Variants in IFTAP observed in about 807,000 individuals in gnomAD.
The protein encoded by IFTAP is intraflagellar transport-associated protein.
Under a neutral mutation model 19.4 loss-of-function variants are expected in IFTAP, and 19 were observed. That is an observed-to-expected ratio of 0.98 (90% CI 0.68 to 1.44). IFTAP has a LOEUF of 1.44. Ranked by LOEUF, IFTAP falls within the 40% of genes most tolerant of loss-of-function variation. The pLI, the probability that IFTAP is intolerant of heterozygous loss-of-function variation, is 0.00. For synonymous variants in IFTAP, 85 were observed against 83.5 expected, an observed-to-expected ratio of 1.02 and a Z score of -0.10; for missense variants, 240 against 253.6, an observed-to-expected ratio of 0.95 and a Z score of 0.36.
At chr11:36,610,571 T>A (rs1315138955) in intron 2 of IFTAP, among the ~76,000 whole-genome samples, 1 of 152,226 alleles carries the variant, frequency 6.6e-6, no homozygotes, top group Non-Finnish European at 1.5e-5. Context: ...CTTTAAAAAA[T>A]TTCAAAGAGA....
At chr11:36,595,772 T>A (rs1851198640) in intron 1 of IFTAP, among the ~76,000 whole-genome samples, 1 of 152,272 alleles carries the variant, frequency 6.6e-6, no homozygotes, top group Non-Finnish European at 1.5e-5. Flanking sequence ...ATGATTATTT[T>A]AAAATTTACC....
chr11:36,632,049 A>G (rs1263877294), intron 2 of IFTAP, among the ~76,000 whole-genome samples: 1 of 151,158 alleles, frequency 6.6e-6, no homozygotes, highest in Non-Finnish European at 1.5e-5. Flanking sequence ...GATAGGTTCT[A>G]GAGTCAGAAG....
At chr11:36,645,202 C>A (rs1341925992) in intron 4 of IFTAP, among the ~76,000 whole-genome samples, 2 of 152,080 alleles carry the variant, frequency 1.3e-5, no homozygotes, top group Non-Finnish European at 1.5e-5. Context: ...GTAGATTGCT[C>A]ACTTTGTACC....
intron 1 of IFTAP, among the ~76,000 whole-genome samples, chr11:36,607,018 A>G (rs1191826324): frequency 1.3e-5 from 2 of 152,212 alleles, no homozygotes; most frequent in South Asian, 4.1e-4. Context: ...TAATTTTTTC[A>G]GGTACAAATA....
chr11:36,644,527 C>G (rs1433603934), intron 4 of IFTAP, among the ~76,000 whole-genome samples: 1 of 152,112 alleles, frequency 6.6e-6, no homozygotes, highest in Non-Finnish European at 1.5e-5. Flanking sequence ...ATAAATCGTG[C>G]TGCTATAAAG....
At chr11:36,595,450 C>A (rs2133322960) in intron 1 of IFTAP, among the ~76,000 whole-genome samples, 1 of 152,222 alleles carries the variant, frequency 6.6e-6, no homozygotes, top group South Asian at 2.1e-4. Context: ...TCCTGTGCAC[C>A]AAATGTTAAA....
At position 36,639,300 on chromosome 11, in the gene IFTAP, A is replaced by G. The variant is rs1017215145; in HGVS notation, c.358+3183A>G. 4.0e-5 allele frequency among the ~76,000 whole-genome samples: 6 copies of G among 151,050 alleles called. No individual in the cohort carries two copies. In the South Asian group the frequency reaches 8.4e-4, roughly 21 times the overall value. On this transcript the variant is annotated intron_variant, in intron 4 of 5. Transcript: ENST00000334307. ...TTCTGAGATTCATACTGTCTTACAC[A>G]CATCTCTTGGTCAGCGGGTGTACTT...
At chr11:36,602,490 G>A (rs1851544311) in intron 1 of IFTAP, among the ~76,000 whole-genome samples, 1 of 152,078 alleles carries the variant, frequency 6.6e-6, no homozygotes, top group Non-Finnish European at 1.5e-5. Context: ...TTATATGAGG[G>A]TGGGATTAGG....
chr11:36,613,323 G>T (rs1246566306), intron 2 of IFTAP, among the ~76,000 whole-genome samples: 1 of 151,912 alleles, frequency 6.6e-6, no homozygotes, highest in Middle Eastern at 3.4e-3. Flanking sequence ...CTTTCTTCTT[G>T]CCTGTCATAT....
At chr11:36,656,622 C>T (rs1047337154) in intron 5 of IFTAP, among the ~76,000 whole-genome samples, 1 of 152,034 alleles carries the variant, frequency 6.6e-6, no homozygotes, top group Non-Finnish European at 1.5e-5. Flanking sequence ...CTCTATGCTT[C>T]TGTTTCCCTT....
rs180921436 is a variant in IFTAP at position 36,652,123 on chromosome 11, A to G, written c.498+3968A>G. Among the ~76,000 whole-genome samples, 739 of 152,286 alleles carry G rather than the reference A, an allele frequency of 4.9e-3. 3 individuals carry two copies. The highest frequency in any genetic ancestry group is 0.01 in the Middle Eastern group (3 of 294). On this transcript the variant is annotated intron_variant, in intron 5 of 5. Transcript: ENST00000334307. ...GGTAGCTTGATGGGGATGGCATTGAATCTATAAGTTACCTTGAGCAGTATG... is the reference window on the plus strand; with the variant it reads ...GGTAGCTTGATGGGGATGGCATTGAGTCTATAAGTTACCTTGAGCAGTATG...
intron 4 of IFTAP, among the ~76,000 whole-genome samples, chr11:36,643,159 G>T (rs12290601): frequency 0.01 from 1,563 of 152,240 alleles, 26 homozygotes; most frequent in African/African-American, 0.036. Context: ...AAAGTCTCAG[G>T]ATACAAAATC....
At chr11:36,644,270 A>G (rs573660227) in intron 4 of IFTAP, among the ~76,000 whole-genome samples, 500 of 152,312 alleles carry the variant, frequency 3.3e-3, no homozygotes, top group Non-Finnish European at 6.1e-3. Flanking sequence ...ACTGGCCATC[A>G]GAGAAATGCA....
At chr11:36,619,985 G>C (rs1344707914) in intron 2 of IFTAP, among the ~76,000 whole-genome samples, 1 of 152,048 alleles carries the variant, frequency 6.6e-6, no homozygotes, top group Admixed American at 6.6e-5. Context: ...ATGTTACCTT[G>C]AGAGAAATTT....
chr11:36,613,566 A>G lies in IFTAP; in HGVS notation c.136+3327A>G, dbSNP rs186521333. Among the ~76,000 whole-genome samples the G allele has an allele frequency of 2.5e-3, 375 of 152,188 alleles. 4 individuals carry two copies. Among genetic ancestry groups the G allele is most frequent in the Non-Finnish European group, 4.0e-3 (274 of 67,978 alleles). On this transcript the variant is annotated intron_variant, in intron 2 of 5. Coordinates refer to ENST00000334307, the MANE Select transcript of IFTAP (RefSeq NM_138787.4). ...ATTAGACTAATGCATGATAAGTATC[A>G]CAGTGGAGACTGAGAGCTTATAGGA...
At chr11:36,636,650 G>T (rs1468163968) in intron 4 of IFTAP, among the ~76,000 whole-genome samples, 1 of 152,036 alleles carries the variant, frequency 6.6e-6, no homozygotes, top group Non-Finnish European at 1.5e-5. Flanking sequence ...ATCTATGCAG[G>T]CTTCAGTGAA....
chr11:36,610,129 A>G lies in IFTAP; in HGVS notation c.26A>G (p.Glu9Gly), dbSNP rs1851825795. The G allele has an allele frequency of 1.2e-6, 2 of 1,613,114 alleles. No individual in the cohort carries two copies. The highest frequency in any genetic ancestry group is 1.7e-4 in the Middle Eastern group (1 of 6,054). MSAHMSGLEIMDEDQLIKD... is the reference protein window; with the variant it reads MSAHMSGLGIMDEDQLIKD... Reference sequence around the variant, plus strand: ...ATGTCTGCCCATATGTCAGGATTGGAAATAATGGATGAAGATCAATTAATC... The same window carrying G: ...ATGTCTGCCCATATGTCAGGATTGGGAATAATGGATGAAGATCAATTAATC... Residue 9 changes from glutamate to glycine, a missense_variant, in exon 2 of 6, where the codon GAA becomes GGA. Coordinates refer to ENST00000334307, the MANE Select transcript of IFTAP (RefSeq NM_138787.4).
chr11:36,627,847 A>C (rs1445839727), intron 2 of IFTAP, among the ~76,000 whole-genome samples: 1 of 151,206 alleles, frequency 6.6e-6, no homozygotes, highest in Non-Finnish European at 1.5e-5. Flanking sequence ...TGTTTAAAAA[A>C]AAAGTTATCT....
chr11:36,630,584 T>A (rs1852690147), intron 2 of IFTAP, among the ~76,000 whole-genome samples: 1 of 151,430 alleles, frequency 6.6e-6, no homozygotes, highest in Non-Finnish European at 1.5e-5. Flanking sequence ...TCTGGTTACC[T>A]GTCACATAAC....
Sources: gnomAD v4.1 joint callset for allele counts (sites outside exome capture counted in the v4.1 genomes callset) on GRCh38, gnomAD v4.1.1 for gene constraint, MANE v1.5 for transcripts, NCBI Gene and HGNC (gene_info 2026-07-23, HGNC 2026-07-21) for gene names.